The following RYR2 variants were observed in gnomAD, a reference collection of about 807,000 sequenced individuals.
RYR2 encodes the protein cardiac muscle ryanodine receptor-calcium release channel.
A neutral mutation model predicts 601.1 loss-of-function variants in RYR2; 227 were observed. The observed-to-expected ratio is 0.38, with a 90% CI of 0.34 to 0.42. The LOEUF is 0.42. Among genes scored for constraint, RYR2 ranks in the 10% least tolerant of loss-of-function variants. RYR2 has a pLI of 1.00. For missense variants in RYR2, 4,646 were observed against 6,156.5 expected (o/e 0.75, Z 8.21); for synonymous variants, 2,223 against 2,175.1 (o/e 1.02, Z -0.61).
At chr1:237,086,982 G>T (rs1198949504) in intron 1 of RYR2, among the ~76,000 whole-genome samples, 1 of 152,110 alleles carries the variant, frequency 6.6e-6, no homozygotes, top group Non-Finnish European at 1.5e-5. Flanking sequence ...TAGTGTTATG[G>T]CTTGTTGTGC....
At chr1:237,318,488 T>C (rs952081169) in intron 2 of RYR2, among the ~76,000 whole-genome samples, 2 of 152,176 alleles carry the variant, frequency 1.3e-5, no homozygotes, top group African/African-American at 2.4e-5. Flanking sequence ...CCTTCAGAAC[T>C]TTCTTTTGTA....
chr1:237,203,429 A>G (rs1373023795), intron 1 of RYR2, among the ~76,000 whole-genome samples: 5 of 152,210 alleles, frequency 3.3e-5, no homozygotes, highest in Admixed American at 6.5e-5. Flanking sequence ...TGTAGGTAAG[A>G]GTATATATTG....
intron 29 of RYR2, among the ~76,000 whole-genome samples, chr1:237,580,171 T>TTTTTTTA (rs1673742591): frequency 6.7e-6 from 1 of 150,220 alleles, no homozygotes; most frequent in Non-Finnish European, 1.5e-5. Flanking sequence ...TTTTTTTTTT[T>TTTTTTTA]TGAGACGGAG....
At chr1:237,279,842 T>C (rs1233689832) in intron 2 of RYR2, among the ~76,000 whole-genome samples, 1 of 152,240 alleles carries the variant, frequency 6.6e-6, no homozygotes, top group Non-Finnish European at 1.5e-5. Context: ...CATCGTGGAC[T>C]CTGGATAGAG....
chr1:237,700,202 A>G, intron 64 of RYR2, 27 bp from the exon 65 acceptor site: 1 of 1,274,646 alleles, frequency 7.8e-7, no homozygotes, highest in Non-Finnish European at 1.1e-6. Context: ...GTTGGAAGAT[A>G]CGAGTCCTCC....
At chr1:237,389,458 G>A (rs1402455897) in intron 10 of RYR2, among the ~76,000 whole-genome samples, 1 of 152,152 alleles carries the variant, frequency 6.6e-6, no homozygotes, top group Non-Finnish European at 1.5e-5. Flanking sequence ...AACTCTGTTA[G>A]GCAAGGAGAA....
intron 1 of RYR2, among the ~76,000 whole-genome samples, chr1:237,054,266 T>C (rs1661676543): frequency 6.9e-6 from 1 of 144,446 alleles, no homozygotes; most frequent in African/African-American, 2.6e-5. Context: ...CTTCCTCCCT[T>C]CCTTCCCTTT....
intron 35 of RYR2, among the ~76,000 whole-genome samples, chr1:237,604,344 G>A (rs1351025829): frequency 1.3e-5 from 2 of 152,046 alleles, no homozygotes; most frequent in East Asian, 3.8e-4. Context: ...ACAAAATGAA[G>A]GCAGAAATAA....
intron 3 of RYR2, among the ~76,000 whole-genome samples, chr1:237,342,417 A>G (rs984920131): frequency 6.6e-6 from 1 of 151,808 alleles, no homozygotes; most frequent in Non-Finnish European, 1.5e-5. Context: ...ACCTCCCAAA[A>G]TGTTGGGATT....
chr1:237,792,368 T>TGC, intron 94 of RYR2, 45 bp downstream of exon 94: 2 of 928,254 alleles, frequency 2.2e-6, no homozygotes, highest in South Asian at 1.6e-5. Flanking sequence ...TGTGTGTGTG[T>TGC]GTGTGTGTGT....
intron 98 of RYR2, among the ~76,000 whole-genome samples, chr1:237,803,496 T>A (rs1660234131): frequency 6.6e-6 from 1 of 152,086 alleles, no homozygotes; most frequent in South Asian, 2.1e-4. Context: ...GAGACGGGGT[T>A]TCACCATGTT....
intron 101 of RYR2, among the ~76,000 whole-genome samples, chr1:237,821,771 A>G: frequency 6.6e-6 from 1 of 151,998 alleles, no homozygotes; most frequent in East Asian, 1.9e-4. Context: ...GAAGCTAAGA[A>G]CTTTGAAAAA....
chr1:237,169,022 T>A (rs1677035145), intron 1 of RYR2, among the ~76,000 whole-genome samples: 1 of 152,224 alleles, frequency 6.6e-6, no homozygotes, highest in South Asian at 2.1e-4. Flanking sequence ...ATTGCTTTCA[T>A]CTTTAGATCT....
At chr1:237,505,597 T>C (rs1665139562) in intron 22 of RYR2, among the ~76,000 whole-genome samples, 1 of 152,126 alleles carries the variant, frequency 6.6e-6, no homozygotes, top group South Asian at 2.1e-4. Flanking sequence ...CCTAAGTTTA[T>C]AGGAAAAAAG....
At chr1:237,710,929 C>T (rs1688785485) in intron 70 of RYR2, among the ~76,000 whole-genome samples, 1 of 152,026 alleles carries the variant, frequency 6.6e-6, no homozygotes, top group Admixed American at 6.6e-5. Flanking sequence ...TTGCTTTTTG[C>T]CTGTTGTTTT....
At chr1:237,742,462 A>G in intron 80 of RYR2, 113 bp downstream of exon 80, 1 of 802,582 alleles carries the variant, frequency 1.2e-6, no homozygotes. Context: ...TTATTGTGTC[A>G]AGGAACTGCA....
intron 17 of RYR2, among the ~76,000 whole-genome samples, chr1:237,470,449 G>T (rs112086394): frequency 1.3e-5 from 2 of 152,260 alleles, no homozygotes; most frequent in South Asian, 4.1e-4. Context: ...GGACAAAAAT[G>T]TGTAGAGTTT....
chr1:237,309,770 C>T (rs1224152348), intron 2 of RYR2, among the ~76,000 whole-genome samples: 4 of 152,180 alleles, frequency 2.6e-5, no homozygotes, highest in Non-Finnish European at 5.9e-5. Flanking sequence ...GTGCCCTGCC[C>T]TGCGGGGAGG....
At chr1:237,632,614 T>C (rs1680468944) in intron 42 of RYR2, among the ~76,000 whole-genome samples, 1 of 152,074 alleles carries the variant, frequency 6.6e-6, no homozygotes, top group Admixed American at 6.5e-5. Context: ...GCCAGGATGG[T>C]CTTGATCTCC....
Sources: gnomAD v4.1 joint callset for allele counts (sites outside exome capture counted in the v4.1 genomes callset) on GRCh38, gnomAD v4.1.1 for gene constraint, MANE v1.5 for transcripts, NCBI Gene and HGNC (gene_info 2026-07-23, HGNC 2026-07-21) for gene names.